Variants in DUSP8 observed in about 807,000 individuals in gnomAD.
DUSP8 encodes dual specificity phosphatase 8.
A neutral mutation model predicts 38.7 loss-of-function variants in DUSP8; 15 were observed. The ratio of observed to expected loss-of-function variants is 0.39; its 90% CI spans 0.26 to 0.60. The LOEUF is 0.60. DUSP8 is among the 20% of genes least tolerant of loss of function. DUSP8 has a pLI of 0.56. For missense variants in DUSP8, 768 were observed against 915.0 expected, an observed-to-expected ratio of 0.84 and a Z score of 2.07; for synonymous variants, 458 against 433.9, an observed-to-expected ratio of 1.06 and a Z score of -0.69.
intron 1 of DUSP8, 91 bp downstream of exon 1, chr11:1,571,810 C>A (rs1848903799): frequency 1.3e-5 from 2 of 149,226 alleles, no homozygotes; most frequent in African/African-American, 4.9e-5. Flanking sequence ...GCTGCCCCAG[C>A]GCCCCCGACG....
chr11:1,558,718 G>A lies in DUSP8; in HGVS notation c.537+171C>T, dbSNP rs983495995. Among the ~76,000 whole-genome samples, 31 of 152,066 alleles carry A rather than the reference G, an allele frequency of 2.0e-4. No individual in the cohort carries two copies. The highest frequency in any genetic ancestry group is 1.2e-3 in the Admixed American group (18 of 15,284). On this transcript the variant is annotated intron_variant, in intron 4 of 6. Coordinates refer to ENST00000397374, the MANE Select transcript of DUSP8 (RefSeq NM_004420.3). This position sits in a 1 kb window ranked among gnomAD's most constrained non-coding sequence, Gnocchi z 6.3. The stretch of plus-strand genomic sequence containing the variant: ...CCTGCTGTGGTCCTTCCAGGGGCAT[G>A]GGTGGGGAGCCTGGGGTCCTCCTGG...
intron 3 of DUSP8, chr11:1,559,578 G>C (rs1169080998): frequency 1.3e-5 from 2 of 152,850 alleles, no homozygotes; most frequent in African/African-American, 4.8e-5. Flanking sequence ...GCCTGGGCTT[G>C]GGTGCCAGGA....
At position 1,556,491 on chromosome 11, in the gene DUSP8, G is replaced by A. The variant is rs1848625537; in HGVS notation, c.*27C>T. The A allele has an allele frequency of 1.6e-6, 2 of 1,232,674 alleles. No homozygotes were observed. The highest frequency in any genetic ancestry group is 6.3e-5 in the East Asian group (2 of 31,676). 76.4% of individuals were successfully genotyped at this position (1,232,674 alleles called of 1,614,324 possible). ...ACATTTATAACGGGCCTGGCTGCGG[G>A]CGGCGGGGCCGAGGGCAGCGGAGGG... On this transcript the variant is annotated 3_prime_UTR_variant, in exon 7 of 7. Transcript: ENST00000397374. The surrounding 1 kb of genome is among the most constrained non-coding windows in gnomAD (Gnocchi z 5.2).
In DUSP8 at chr11:1,563,995, G is replaced by T. The variant is rs919413041; in HGVS notation, c.232-6C>A. 1 of 1,459,702 alleles carries T rather than the reference G, an allele frequency of 6.9e-7. No homozygotes were observed. The highest frequency in any genetic ancestry group is 2.5e-5 in the Admixed American group (1 of 39,990). The allele number at this position is 1,459,702 out of a possible 1,614,324, so 90.4% of individuals were successfully genotyped here. On this transcript the variant is annotated splice_region_variant and splice_polypyrimidine_tract_variant and intron_variant, in intron 2 of 6. Coordinates refer to ENST00000397374, the MANE Select transcript of DUSP8 (RefSeq NM_004420.3). Reference sequence around the variant, plus strand: ...TGTGGCTCCGTAGCCTCCACCTGGGGGCCATGGGGCAGAGATCAGCATGCC... The same window carrying T: ...TGTGGCTCCGTAGCCTCCACCTGGGTGCCATGGGGCAGAGATCAGCATGCC...
intron 1 of DUSP8, among the ~76,000 whole-genome samples, chr11:1,567,832 G>T (rs1235758273): frequency 6.6e-6 from 1 of 152,192 alleles, no homozygotes; most frequent in Admixed American, 6.6e-5. Context: ...GACCCAGCAA[G>T]TTCAACAGCA....
At chr11:1,564,592 G>C (rs1848773415) in intron 2 of DUSP8, among the ~76,000 whole-genome samples, 1 of 152,196 alleles carries the variant, frequency 6.6e-6, no homozygotes, top group Admixed American at 6.5e-5. Context: ...GGCCAGCCCA[G>C]ATGTTGAGCG....
chr11:1,569,671 C>A (rs1368666889), intron 1 of DUSP8, among the ~76,000 whole-genome samples: 1 of 152,096 alleles, frequency 6.6e-6, no homozygotes, highest in Non-Finnish European at 1.5e-5. Flanking sequence ...ACCAGGGAGT[C>A]CCAGGCCACC....
rs372762042 is a variant in DUSP8, at chr11:1,558,281, C to A, written c.538-10G>T. On this transcript the variant is annotated splice_polypyrimidine_tract_variant and intron_variant, in intron 4 of 6. Transcript: ENST00000397374. The surrounding 1 kb of genome is among the most constrained non-coding windows in gnomAD (Gnocchi z 6.3). ...TTTGCGTCATCAGATCCTGGAGGGG[C>A]GGGAGGGCGGGTTGGAAAGGGGTGG... 18 of 40,724 alleles carry A rather than the reference C, an allele frequency of 4.4e-4. No homozygotes were observed. Among genetic ancestry groups the A allele is most frequent in the Non-Finnish European group, 8.6e-4 (18 of 20,934 alleles). The allele number at this position is 40,724 out of a possible 1,614,324, so 2.5% of individuals were successfully genotyped here.
At position 1,565,947 on chromosome 11, in the gene DUSP8, G is replaced by C; in HGVS notation, c.-108-13C>G. The C allele has an allele frequency of 1.2e-6, 1 of 847,460 alleles. No individual in the cohort carries two copies. Among genetic ancestry groups the C allele is most frequent in the Non-Finnish European group, 1.9e-6 (1 of 527,782 alleles). The allele number at this position is 847,460 out of a possible 1,614,324, so 52.5% of individuals were successfully genotyped here. The stretch of plus-strand genomic sequence containing the variant: ...CATGGTGCTGGACCTGCAGGGACAG[G>C]GGGATGGTCAGCAGTGCTGCGGGCC... On this transcript the variant is annotated splice_polypyrimidine_tract_variant and intron_variant, in intron 1 of 6. Transcript: ENST00000397374.
intron 1 of DUSP8, among the ~76,000 whole-genome samples, chr11:1,569,010 T>G (rs1250424213): frequency 6.6e-6 from 1 of 152,100 alleles, no homozygotes; most frequent in African/African-American, 2.4e-5. Context: ...CTAAGGACAG[T>G]CTGGTGCAGA....
rs969068904 is a variant in DUSP8, at chr11:1,556,998, G to A, written c.1398C>T (p.Arg466=). 9 of 1,020,170 alleles carry A rather than the reference G, an allele frequency of 8.8e-6. No individual in the cohort carries two copies. The African/African-American group carries it at 1.6e-4, about 18-fold the overall frequency. 63.2% of individuals were successfully genotyped at this position (1,020,170 alleles called of 1,614,324 possible). A position where few individuals can be genotyped will look rare whatever the true frequency, so the allele number is the denominator to read the frequency against. ...TCAGGCCGAGGCTGTGCGCGGGGGAGCGCGCGGGGGAGCCGGCGGGGGGCC... is the reference window on the plus strand; with the variant it reads ...TCAGGCCGAGGCTGTGCGCGGGGGAACGCGCGGGGGAGCCGGCGGGGGGCC... The part of the protein sequence containing the change: ...RPRPPAGSPA[R]SPAHSLGLNF... Residue 466 remains arginine, a synonymous_variant, in exon 7 of 7, where the codon CGC becomes CGT. Transcript: ENST00000397374. This position sits in a 1 kb window ranked among gnomAD's most constrained non-coding sequence, Gnocchi z 5.2.
rs532226153 is a variant in DUSP8 at position 1,555,384 on chromosome 11, T to G, written c.*1134A>C. On this transcript the variant is annotated 3_prime_UTR_variant, in exon 7 of 7. Coordinates refer to ENST00000397374, the MANE Select transcript of DUSP8 (RefSeq NM_004420.3). ...AGGCCTATCCCAGCAGCACAGGGGCTTGGCTGGCGCCTGAACTCCCTGTGT... is the reference window on the plus strand; with the variant it reads ...AGGCCTATCCCAGCAGCACAGGGGCGTGGCTGGCGCCTGAACTCCCTGTGT... 3.1e-5 allele frequency: 31 copies of G among 987,186 alleles called. No individual in the cohort carries two copies. In the African/African-American group the frequency reaches 5.4e-4, roughly 17 times the overall value. 61.2% of individuals were successfully genotyped at this position (987,186 alleles called of 1,614,324 possible).
rs1590799554 is a variant in DUSP8 at position 1,556,919 on chromosome 11, C to T, written c.1477G>A (p.Ala493Thr). Residue 493 changes from alanine (A) to threonine (T), a missense_variant, in exon 7 of 7, where the codon GCG (alanine) becomes ACG (threonine). Transcript: ENST00000397374. The surrounding 1 kb of genome is among the most constrained non-coding windows in gnomAD (Gnocchi z 5.2). The part of the protein sequence containing the change: ...TPRHGLSALS[A>T]PGLPGPGQPA... Reference sequence around the variant, plus strand: ...TGGCCAGGGCCGGGCAGCCCGGGCGCCGACAGGGCCGAGAGGCCGTGCCGC... The same window carrying T: ...TGGCCAGGGCCGGGCAGCCCGGGCGTCGACAGGGCCGAGAGGCCGTGCCGC... The T allele has an allele frequency of 1.1e-5, 12 of 1,075,610 alleles. No individual in the cohort carries two copies. The highest frequency in any genetic ancestry group is 3.8e-5 in the South Asian group (1 of 26,108). 66.6% of individuals were successfully genotyped at this position (1,075,610 alleles called of 1,614,324 possible).
chr11:1,558,221 G>A lies in DUSP8; in HGVS notation c.588C>T (p.Ser196=). 6.2e-7 allele frequency: 1 copy of A among 1,608,896 alleles called. No homozygotes were observed. Among genetic ancestry groups the A allele is most frequent in the Non-Finnish European group, 8.5e-7 (1 of 1,178,074 alleles). Residue 196 remains serine (S), a synonymous_variant, in exon 5 of 7, where the codon TCC becomes TCT. Transcript: ENST00000397374. This position sits in a 1 kb window ranked among gnomAD's most constrained non-coding sequence, Gnocchi z 6.3. ...GISYVLNASN[S]CPKPDFICES... ...CGCAGATGAAGTCAGGCTTGGGGCA[G>A]GAGTTGCTGGCGTTGAGGACGTAGC...
rs924474107 is a variant in DUSP8, at chr11:1,555,276, GTT to G, written c.*1240_*1241del. ...CACCCTGGGAAAGGGGTGAATGGGAGTTTCTCTCCTGAGCGGCCCCATGGGGG... is the reference window on the plus strand; with the variant it reads ...CACCCTGGGAAAGGGGTGAATGGGAGTCTCTCCTGAGCGGCCCCATGGGGG... On this transcript the variant is annotated 3_prime_UTR_variant, in exon 7 of 7. Transcript: ENST00000397374. 1.0e-6 allele frequency: 1 copy of G among 987,758 alleles called. No individual in the cohort carries two copies. Among genetic ancestry groups the G allele is most frequent in the Non-Finnish European group, 1.2e-6 (1 of 830,194 alleles). The allele number at this position is 987,758 out of a possible 1,614,324, so 61.2% of individuals were successfully genotyped here.
At chr11:1,571,207 G>A (rs1028560660) in intron 1 of DUSP8, 5 of 152,232 alleles carry the variant, frequency 3.3e-5, no homozygotes, top group Admixed American at 6.5e-5. Context: ...CGCATCCCAG[G>A]CTGGGCAGCT....
intron 3 of DUSP8, among the ~76,000 whole-genome samples, chr11:1,562,711 AC>A (rs1451168964): frequency 6.6e-6 from 1 of 151,974 alleles, no homozygotes; most frequent in African/African-American, 2.4e-5. Context: ...ACATACATGC[AC>A]ACACATGCTC....
At position 1,561,936 on chromosome 11, in the gene DUSP8, C is replaced by T. The variant is rs142016879; in HGVS notation, c.370+1915G>A. Among the ~76,000 whole-genome samples the T allele has an allele frequency of 6.3e-3, 957 of 152,350 alleles. 11 individuals are homozygous for T. The highest frequency in any genetic ancestry group is 0.022 in the African/African-American group (918 of 41,584). On this transcript the variant is annotated intron_variant, in intron 3 of 6. Coordinates refer to ENST00000397374, the MANE Select transcript of DUSP8 (RefSeq NM_004420.3). ...AGAGCCCGTGGGCCTGCCTGGGTGTCGCCATGAGCCCACTGTATACCACGG... is the reference window on the plus strand; with the variant it reads ...AGAGCCCGTGGGCCTGCCTGGGTGTTGCCATGAGCCCACTGTATACCACGG...
At position 1,565,846 on chromosome 11, in the gene DUSP8, G is replaced by A; in HGVS notation, c.-20C>T. On this transcript the variant is annotated 5_prime_UTR_variant, in exon 2 of 7. Transcript: ENST00000397374. ...AGCCATGGTGGGGCAATGGGTGCTG[G>A]GGAGGGTGACCCCTGAAGTGAGGAG... The A allele has an allele frequency of 6.3e-7, 1 of 1,595,448 alleles. No homozygotes were observed. The highest frequency in any genetic ancestry group is 8.6e-7 in the Non-Finnish European group (1 of 1,166,918).
Sources: gnomAD v4.1 joint callset for allele counts (sites outside exome capture counted in the v4.1 genomes callset) on GRCh38, gnomAD v4.1.1 for gene constraint, Gnocchi (gnomAD v3.1) non-coding constraint, MANE v1.5 for transcripts, NCBI Gene and HGNC (gene_info 2026-07-23, HGNC 2026-07-21) for gene names.